SPAG17: variants seen among roughly 807,000 people sequenced by gnomAD.
The protein encoded by SPAG17 is sperm associated antigen 17.
Under a neutral mutation model 273.6 loss-of-function variants are expected in SPAG17, and 169 were observed. The observed-to-expected ratio is 0.62, with a 90% CI of 0.55 to 0.70. The LOEUF (loss-of-function observed/expected upper bound fraction) is 0.70, where lower values mean the gene tolerates loss of function less well. Among genes scored for constraint, SPAG17 ranks in the 30% least tolerant of loss-of-function variants. The pLI, the probability that SPAG17 is intolerant of heterozygous loss-of-function variation, is 0.00. For synonymous variants in SPAG17, 825 were observed against 873.2 expected, an observed-to-expected ratio of 0.94 and a Z score of 0.97; for missense variants, 2,557 against 2,627.8, an observed-to-expected ratio of 0.97 and a Z score of 0.59.
intron 1 of SPAG17, among the ~76,000 whole-genome samples, chr1:118,169,361 A>C (rs1425824054): frequency 2.0e-5 from 3 of 152,182 alleles, no homozygotes; most frequent in Non-Finnish European, 4.4e-5. Context: ...GTGAACTGGC[A>C]ATTTGTTTTG....
At chr1:118,046,463 C>CTG (rs1650366628) in intron 20 of SPAG17, among the ~76,000 whole-genome samples, 1 of 151,572 alleles carries the variant, frequency 6.6e-6, no homozygotes, top group African/African-American at 2.4e-5. Context: ...TTAATAGTTC[C>CTG]TGGTATTGTT....
chr1:117,992,378 T>G, intron 36 of SPAG17, 88 bp downstream of exon 36: 2 of 1,288,328 alleles, frequency 1.6e-6, no homozygotes, highest in Non-Finnish European at 2.1e-6. Flanking sequence ...ATTGGTAGAA[T>G]TACATAATTT....
intron 36 of SPAG17, among the ~76,000 whole-genome samples, chr1:117,991,960 C>T (rs1657143493): frequency 6.6e-6 from 1 of 152,146 alleles, no homozygotes. Flanking sequence ...TGATCAATTT[C>T]TATAACTAAT....
At chr1:117,964,268 C>T (rs1190504145) in intron 47 of SPAG17, 1 of 174,986 alleles carries the variant, frequency 5.7e-6, no homozygotes, top group Non-Finnish European at 1.2e-5. Flanking sequence ...GGGAGAGGGA[C>T]AGATCATTGT....
intron 3 of SPAG17, among the ~76,000 whole-genome samples, chr1:118,144,184 C>T (rs1007272344): frequency 2.6e-5 from 4 of 152,212 alleles, no homozygotes; most frequent in Non-Finnish European, 4.4e-5. Flanking sequence ...GGGAGGCAAA[C>T]GTATTCACAC....
At position 117,994,461 on chromosome 1, in the gene SPAG17, G is replaced by T; in HGVS notation, c.5123C>A (p.Thr1708Lys). 2 of 1,612,950 alleles carry T rather than the reference G, an allele frequency of 1.2e-6. No individual in the cohort carries two copies. The change falls in exon 35 of 49, where the codon ACA becomes AAA. Residue 1708 changes from threonine to lysine, a missense_variant. Coordinates refer to ENST00000336338, the MANE Select transcript of SPAG17 (RefSeq NM_206996.4). ...TGACCGGAGATTAGGAGGGACAATTGTATCTTCCTTTTTTACTTGCCATGG... is the reference window on the plus strand; with the variant it reads ...TGACCGGAGATTAGGAGGGACAATTTTATCTTCCTTTTTTACTTGCCATGG... ...ASPWQVKKED[T>K]IVPPNLRSRS...
rs770287706 is a variant in SPAG17, at chr1:118,012,336, C to G, written c.4324G>C (p.Glu1442Gln). ...TTREDKVVIV[E>Q]RKDGTRIVDH... ...ACTATCCGAGTACCATCTTTCCTTTCAACTATGACAACTTTGTCTTCTCGA... is the reference window on the plus strand; with the variant it reads ...ACTATCCGAGTACCATCTTTCCTTTGAACTATGACAACTTTGTCTTCTCGA... Residue 1442 changes from glutamate to glutamine, a missense_variant, in exon 30 of 49, where the codon GAA (glutamate) becomes CAA (glutamine). Physicochemically the swap from Glu to Gln is conservative, Grantham distance 29 (BLOSUM62 2). Coordinates refer to ENST00000336338, the MANE Select transcript of SPAG17 (RefSeq NM_206996.4). 1.2e-5 allele frequency: 20 copies of G among 1,613,534 alleles called. No homozygotes were observed. The Admixed American group carries it at 3.3e-4, about 27-fold the overall frequency.
intron 1 of SPAG17, among the ~76,000 whole-genome samples, chr1:118,182,596 A>G (rs1661000200): frequency 6.6e-6 from 1 of 152,220 alleles, no homozygotes; most frequent in Admixed American, 6.5e-5. Flanking sequence ...GTATATGGAT[A>G]GCAAAGATAG....
chr1:118,167,369 A>G (rs1365511912), intron 1 of SPAG17, among the ~76,000 whole-genome samples: 1 of 152,164 alleles, frequency 6.6e-6, no homozygotes, highest in Non-Finnish European at 1.5e-5. Context: ...TACTTATGTT[A>G]TAATGATTTT....
In SPAG17 at chr1:117,990,999, A is replaced by G. The variant is rs531330533; in HGVS notation, c.5476-93T>C. ...TCTCTCAAGCTGATCTTTTGTAAAA[A>G]CTACTATAAAATGAATTAGTTTAAA... is the stretch of plus-strand genomic sequence containing the variant. On this transcript the variant is annotated intron_variant, in intron 37 of 48. Coordinates refer to ENST00000336338, the MANE Select transcript of SPAG17 (RefSeq NM_206996.4). The G allele has an allele frequency of 1.2e-4, 81 of 674,370 alleles. No homozygotes were observed. In the South Asian group the frequency reaches 2.6e-3, roughly 22 times the overall value. 41.8% of individuals were successfully genotyped at this position (674,370 alleles called of 1,614,324 possible). A position where few individuals can be genotyped will look rare whatever the true frequency, so the allele number is the denominator to read the frequency against.
chr1:118,160,203 C>T (rs1570802404), intron 1 of SPAG17, among the ~76,000 whole-genome samples: 1 of 152,330 alleles, frequency 6.6e-6, no homozygotes, highest in East Asian at 1.9e-4. Context: ...TTCATCAACT[C>T]CTTCCTCAAG....
intron 31 of SPAG17, among the ~76,000 whole-genome samples, chr1:118,006,840 C>A (rs1010879372): frequency 6.6e-6 from 1 of 152,180 alleles, no homozygotes; most frequent in Non-Finnish European, 1.5e-5. Flanking sequence ...TTGCAGTTTG[C>A]GCTGCAGCTC....
intron 48 of SPAG17, chr1:117,962,621 C>T (rs1315189772): frequency 6.6e-6 from 1 of 151,448 alleles, no homozygotes; most frequent in Admixed American, 6.6e-5. Flanking sequence ...ATGTATATAT[C>T]CATCCACTTA....
At chr1:118,170,533 A>G (rs1203536047) in intron 1 of SPAG17, among the ~76,000 whole-genome samples, 1 of 152,140 alleles carries the variant, frequency 6.6e-6, no homozygotes, top group African/African-American at 2.4e-5. Context: ...CAGAAAAGAG[A>G]GAGATAAGTC....
intron 1 of SPAG17, among the ~76,000 whole-genome samples, chr1:118,183,530 A>G (rs1291801815): frequency 6.6e-6 from 1 of 152,344 alleles, no homozygotes; most frequent in South Asian, 2.1e-4. Flanking sequence ...TTTATAGTTA[A>G]AACTACATAT....
intron 41 of SPAG17, among the ~76,000 whole-genome samples, chr1:117,984,145 C>A (rs1018709758): frequency 1.3e-5 from 2 of 152,184 alleles, no homozygotes; most frequent in Non-Finnish European, 2.9e-5. Context: ...GCGTTCTGAA[C>A]ATATGAAAAT....
At chr1:118,106,035 C>A (rs1656375891) in intron 4 of SPAG17, among the ~76,000 whole-genome samples, 1 of 152,088 alleles carries the variant, frequency 6.6e-6, no homozygotes, top group Non-Finnish European at 1.5e-5. Context: ...TAAACTAACT[C>A]CCTAGTTAAG....
At chr1:117,967,087 A>G (rs551337391) in intron 46 of SPAG17, among the ~76,000 whole-genome samples, 1 of 152,214 alleles carries the variant, frequency 6.6e-6, no homozygotes, top group Non-Finnish European at 1.5e-5. Context: ...TAGTTTTTGA[A>G]TGTCGGTAGT....
chr1:118,099,461 C>G lies in SPAG17; in HGVS notation c.829+145G>C, dbSNP rs1165141992. ...ATTTACAACACTTGGCTGGTGCAAGCAGAGTAAATGGCAAATCAAAGTCTT... is the reference window on the plus strand; with the variant it reads ...ATTTACAACACTTGGCTGGTGCAAGGAGAGTAAATGGCAAATCAAAGTCTT... On this transcript the variant is annotated intron_variant, in intron 6 of 48. Transcript: ENST00000336338. 8.1e-6 allele frequency: 7 copies of G among 861,042 alleles called. No individual in the cohort carries two copies. The East Asian group carries it at 1.7e-4, about 21-fold the overall frequency. The allele number at this position is 861,042 out of a possible 1,614,324, so 53.3% of individuals were successfully genotyped here.
Sources: gnomAD v4.1 joint callset for allele counts (sites outside exome capture counted in the v4.1 genomes callset) on GRCh38, gnomAD v4.1.1 for gene constraint, MANE v1.5 for transcripts, NCBI Gene and HGNC (gene_info 2026-07-23, HGNC 2026-07-21) for gene names.